Variants in PSMA1 observed in about 807,000 individuals in gnomAD.
The protein encoded by PSMA1 is proteasome 20S subunit alpha 1, also known as proteasome subunit alpha type-1.
In PSMA1, 3 loss-of-function variants were observed where a neutral mutation model predicts 38.4. The observed-to-expected ratio is 0.08, with a 90% CI of 0.04 to 0.20. The LOEUF is 0.20. Among genes scored for constraint, PSMA1 ranks in the 10% least tolerant of loss-of-function variants. The pLI, the probability that PSMA1 is intolerant of heterozygous loss-of-function variation, is 1.00. For missense variants in PSMA1, 227 were observed against 325.3 expected (o/e 0.70, Z 2.32); for synonymous variants, 101 against 107.1 (o/e 0.94, Z 0.35).
intron 1 of PSMA1, among the ~76,000 whole-genome samples, chr11:14,619,197 C>T (rs186165706): frequency 6.6e-6 from 1 of 152,130 alleles, no homozygotes; most frequent in Non-Finnish European, 1.5e-5. Context: ...GCCTGTGATC[C>T]CAGCACTTTG....
At chr11:14,557,722 C>T (rs1388172593) in intron 2 of PSMA1, among the ~76,000 whole-genome samples, 1 of 152,142 alleles carries the variant, frequency 6.6e-6, no homozygotes. Flanking sequence ...CTGCCCAGAG[C>T]GTTTGACCCA....
At chr11:14,621,684 A>C (rs1004275128) in intron 1 of PSMA1, among the ~76,000 whole-genome samples, 4 of 152,188 alleles carry the variant, frequency 2.6e-5, no homozygotes, top group Non-Finnish European at 4.4e-5. Flanking sequence ...CTTTCTTTCC[A>C]GCTTTACAAT....
intron 2 of PSMA1, 96 bp from the exon 3 acceptor site, chr11:14,518,077 C>A: frequency 1.1e-5 from 9 of 838,382 alleles, no homozygotes; most frequent in South Asian, 4.1e-5. Flanking sequence ...AGTTAAATCT[C>A]AACTGATTTT....
At position 14,634,933 on chromosome 11, in the gene PSMA1, A is replaced by C. The variant is rs1853092947; in HGVS notation, c.-166+8522T>G. 2.0e-5 allele frequency among the ~76,000 whole-genome samples: 3 copies of C among 152,174 alleles called. No individual in the cohort carries two copies. In the South Asian group the frequency reaches 6.2e-4, roughly 31 times the overall value. On this transcript the variant is annotated intron_variant, in intron 1 of 10. Transcript: ENST00000418988. The stretch of plus-strand genomic sequence containing the variant: ...ATGAAGAAATTTTGATTGTTAGAGA[A>C]ACTTGGAGCCCACAGTTTATTTTGA...
intron 2 of PSMA1, among the ~76,000 whole-genome samples, chr11:14,605,669 G>T (rs1205285178): frequency 2.0e-5 from 3 of 152,212 alleles, no homozygotes; most frequent in African/African-American, 7.2e-5. Context: ...TTATAGGCAT[G>T]AGCTACTGTG....
chr11:14,541,409 C>T (rs1462576533), intron 2 of PSMA1, among the ~76,000 whole-genome samples: 2 of 152,240 alleles, frequency 1.3e-5, no homozygotes, highest in African/African-American at 4.8e-5. Context: ...AGAACATATT[C>T]GTCTTTGTGC....
intron 2 of PSMA1, among the ~76,000 whole-genome samples, chr11:14,545,179 A>C (rs962216747): frequency 5.3e-5 from 8 of 152,268 alleles, no homozygotes; most frequent in Non-Finnish European, 1.2e-4. Flanking sequence ...TATCTCAATA[A>C]AGATGTTTTA....
chr11:14,618,084 T>A (rs1434268388), intron 1 of PSMA1, among the ~76,000 whole-genome samples: 8 of 152,224 alleles, frequency 5.3e-5, no homozygotes, highest in African/African-American at 1.9e-4. Flanking sequence ...GAATTACTCA[T>A]GCTCTAGCCT....
At chr11:14,516,501 A>T (rs1851432414) in intron 4 of PSMA1, among the ~76,000 whole-genome samples, 1 of 152,220 alleles carries the variant, frequency 6.6e-6, no homozygotes, top group African/African-American at 2.4e-5. Flanking sequence ...TATAATTTAT[A>T]TTCTTTCTTT....
At chr11:14,515,975 G>C (rs1313665519) in intron 4 of PSMA1, among the ~76,000 whole-genome samples, 1 of 151,374 alleles carries the variant, frequency 6.6e-6, no homozygotes, top group African/African-American at 2.4e-5. Context: ...ACTTTGGGAG[G>C]CCGAGGCAGG....
chr11:14,624,393 T>A (rs1184113554), intron 1 of PSMA1, among the ~76,000 whole-genome samples: 1 of 152,176 alleles, frequency 6.6e-6, no homozygotes, highest in Non-Finnish European at 1.5e-5. Flanking sequence ...GAGACCTCTA[T>A]ATGGTACCAT....
At chr11:14,596,707 T>G (rs1565054116) in intron 2 of PSMA1, among the ~76,000 whole-genome samples, 2 of 152,346 alleles carry the variant, frequency 1.3e-5, no homozygotes, top group South Asian at 2.1e-4. Flanking sequence ...CAATTTGACT[T>G]CCTCATTTCC....
intron 2 of PSMA1, among the ~76,000 whole-genome samples, chr11:14,576,602 T>C (rs1378189662): frequency 6.6e-6 from 1 of 152,222 alleles, no homozygotes; most frequent in Non-Finnish European, 1.5e-5. Flanking sequence ...ATGTGTGGTA[T>C]TATTTCTGAG....
chr11:14,548,267 T>G (rs1187063396), intron 2 of PSMA1, among the ~76,000 whole-genome samples: 1 of 152,204 alleles, frequency 6.6e-6, no homozygotes, highest in Admixed American at 6.5e-5. Context: ...ACTATTATTA[T>G]GTTCACAAAA....
chr11:14,526,305 T>C (rs1383328702), intron 2 of PSMA1, among the ~76,000 whole-genome samples: 1 of 150,732 alleles, frequency 6.6e-6, no homozygotes, highest in African/African-American at 2.5e-5. Flanking sequence ...ACAGCTTTAG[T>C]GACTGCCCCC....
chr11:14,587,511 G>A (rs1005719993), intron 2 of PSMA1, among the ~76,000 whole-genome samples: 11 of 151,672 alleles, frequency 7.3e-5, no homozygotes, highest in African/African-American at 2.7e-4. Flanking sequence ...TTCCCTTTTC[G>A]ACTTCTTCAC....
At chr11:14,576,421 T>C (rs1030369567) in intron 2 of PSMA1, among the ~76,000 whole-genome samples, 1 of 152,238 alleles carries the variant, frequency 6.6e-6, no homozygotes, top group African/African-American at 2.4e-5. Flanking sequence ...AGGTCTAACA[T>C]TTAAGTCTTT....
At chr11:14,533,862 T>C (rs1323429241) in intron 2 of PSMA1, among the ~76,000 whole-genome samples, 6 of 151,802 alleles carry the variant, frequency 4.0e-5, no homozygotes, top group Non-Finnish European at 1.5e-5. Flanking sequence ...GAGAAAGGGG[T>C]AGTAGGATAG....
chr11:14,576,316 G>T (rs1284958785), intron 2 of PSMA1, among the ~76,000 whole-genome samples: 4 of 152,218 alleles, frequency 2.6e-5, no homozygotes, highest in Admixed American at 6.5e-5. Context: ...GGCTTTTGTT[G>T]CCATTGCTTT....
Sources: gnomAD v4.1 joint callset for allele counts (sites outside exome capture counted in the v4.1 genomes callset) on GRCh38, gnomAD v4.1.1 for gene constraint, MANE v1.5 for transcripts, NCBI Gene and HGNC (gene_info 2026-07-23, HGNC 2026-07-21) for gene names.